The following TNPO3 variants were observed in gnomAD, a reference collection of about 807,000 sequenced individuals.
TNPO3 encodes the protein transportin 3, also known as transportin-3.
A neutral mutation model predicts 122.8 loss-of-function variants in TNPO3; 65 were observed. The ratio of observed to expected loss-of-function variants is 0.53; its 90% CI spans 0.43 to 0.65. The LOEUF is 0.65. TNPO3 is among the 30% of genes least tolerant of loss of function. The pLI, the probability that TNPO3 is intolerant of heterozygous loss-of-function variation, is 0.00. For missense variants in TNPO3, 850 were observed against 1,136.7 expected (o/e 0.75, Z 3.63); for synonymous variants, 372 against 411.2 (o/e 0.90, Z 1.15).
chr7:129,000,380 G>C (rs1362349099), intron 7 of TNPO3, 49 bp downstream of exon 7: 2 of 1,508,438 alleles, frequency 1.3e-6, no homozygotes, highest in Non-Finnish European at 1.8e-6. Context: ...TAGATAATAT[G>C]CAGCACACAA....
Position 129,048,643 on chromosome 7 carries a change from TA to T in TNPO3, c.120+6007del, listed in dbSNP as rs1378499564. On this transcript the variant is annotated intron_variant, in intron 1 of 22. Coordinates refer to ENST00000265388, the MANE Select transcript of TNPO3 (RefSeq NM_012470.4). ...CAACATATACATCTCATAAAGGATT[TA>T]AAAAAAAAAAAGAAAGAAAAAAAAA... 1.6e-3 allele frequency among the ~76,000 whole-genome samples: 219 copies of T among 138,280 alleles called. 1 individual carries two copies. Among genetic ancestry groups the T allele is most frequent in the African/African-American group, 1.3e-3 (50 of 37,660 alleles). 90.7% of individuals were successfully genotyped at this position (138,280 alleles called of 152,430 possible). A position where few individuals can be genotyped will look rare whatever the true frequency, so the allele number is the denominator to read the frequency against.
intron 16 of TNPO3, among the ~76,000 whole-genome samples, chr7:128,978,674 T>C (rs1799322241): frequency 6.6e-6 from 1 of 152,182 alleles, no homozygotes; most frequent in Non-Finnish European, 1.5e-5. Context: ...AATTCTTTTT[T>C]TGAGATGGAG....
intron 4 of TNPO3, among the ~76,000 whole-genome samples, chr7:129,009,157 C>A (rs1277145794): frequency 6.6e-6 from 1 of 152,078 alleles, no homozygotes. Flanking sequence ...GAATTGAGAT[C>A]TTAGATTAAC....
At chr7:129,055,765 C>G, upstream of TNPO3, 1 of 375,482 alleles carries the variant, frequency 2.7e-6, no homozygotes, top group Middle Eastern at 8.0e-4. Context: ...AGTGGTCTAA[C>G]AATTCACAAA....
chr7:128,968,746 T>G (rs533144343), intron 20 of TNPO3, among the ~76,000 whole-genome samples: 3 of 152,304 alleles, frequency 2.0e-5, no homozygotes, highest in Non-Finnish European at 2.9e-5. Flanking sequence ...GGTCTTGCTA[T>G]GCAGCTCAGA....
At chr7:129,052,372 C>T (rs1444121954) in intron 1 of TNPO3, among the ~76,000 whole-genome samples, 3 of 152,232 alleles carry the variant, frequency 2.0e-5, no homozygotes, top group African/African-American at 7.2e-5. Flanking sequence ...TTTCAAGTAA[C>T]TATTCCCTCT....
In TNPO3 at chr7:128,957,157, T is replaced by C. The variant is rs1796980079; in HGVS notation, c.*31+67A>G. The C allele has an allele frequency of 4.4e-6, 6 of 1,367,430 alleles. No individual in the cohort carries two copies. The South Asian group carries it at 5.8e-5, about 13-fold the overall frequency. The allele number at this position is 1,367,430 out of a possible 1,614,324, so 84.7% of individuals were successfully genotyped here. On this transcript the variant is annotated intron_variant, in intron 22 of 22. Coordinates refer to ENST00000265388, the MANE Select transcript of TNPO3 (RefSeq NM_012470.4). Reference sequence around the variant, plus strand: ...GTCCCATGATAGGCATTAAAACCTATCCCCATTCCCAGGCATCCCCAACAG... The same window carrying C: ...GTCCCATGATAGGCATTAAAACCTACCCCCATTCCCAGGCATCCCCAACAG...
At chr7:128,978,936 T>C in intron 16 of TNPO3, 47 bp downstream of exon 16, 2 of 1,605,718 alleles carry the variant, frequency 1.2e-6, no homozygotes, top group South Asian at 1.1e-5. Context: ...CCTGCCTATT[T>C]CAAATTCTGT....
intron 18 of TNPO3, among the ~76,000 whole-genome samples, chr7:128,974,601 C>T (rs755522831): frequency 6.6e-6 from 1 of 152,042 alleles, no homozygotes; most frequent in Non-Finnish European, 1.5e-5. Context: ...ATGATCTAGT[C>T]AAGTGTTTTG....
At chr7:129,033,935 CAGATA>C (rs1048487271) in intron 1 of TNPO3, among the ~76,000 whole-genome samples, 5 of 143,994 alleles carry the variant, frequency 3.5e-5, no homozygotes, top group African/African-American at 5.1e-5. Context: ...AGATCTCAAA[CAGATA>C]AGATATTTGC....
At chr7:128,980,228 T>C (rs894477795) in intron 14 of TNPO3, among the ~76,000 whole-genome samples, 197 bp from the exon 15 acceptor site, 15 of 152,216 alleles carry the variant, frequency 9.9e-5, no homozygotes, top group Non-Finnish European at 1.6e-4. Context: ...TTTAAGTCAC[T>C]TCCAATAGAA....
intron 1 of TNPO3, among the ~76,000 whole-genome samples, chr7:129,035,659 A>G (rs1806557841): frequency 6.6e-6 from 1 of 152,138 alleles, no homozygotes; most frequent in African/African-American, 2.4e-5. Context: ...CTAGAAAGAA[A>G]CAGACAATAC....
chr7:128,990,334 C>T (rs1432781987), intron 10 of TNPO3: 6 of 617,120 alleles, frequency 9.7e-6, no homozygotes, highest in Non-Finnish European at 1.7e-5. Flanking sequence ...CTTCTGAATG[C>T]CAGTAAAGTG....
At chr7:129,028,146 G>C (rs113289782) in intron 1 of TNPO3, among the ~76,000 whole-genome samples, 180 of 152,254 alleles carry the variant, frequency 1.2e-3, no homozygotes, top group Non-Finnish European at 2.2e-3. Context: ...TTCTTGACTT[G>C]GGTGGTGGCT....
At chr7:129,053,330 GA>G (rs780588492) in intron 1 of TNPO3, among the ~76,000 whole-genome samples, 12,818 of 124,674 alleles carry the variant, frequency 0.1, 745 homozygotes, top group South Asian at 0.17. Flanking sequence ...TCTGTCTCAA[GA>G]AAAAAAAAAA....
At chr7:129,035,764 C>T (rs1452441484) in intron 1 of TNPO3, among the ~76,000 whole-genome samples, 1 of 152,084 alleles carries the variant, frequency 6.6e-6, no homozygotes, top group African/African-American at 2.4e-5. Context: ...TTTTATGTGA[C>T]TCCTGATGTG....
At chr7:129,004,866 G>T in intron 5 of TNPO3, 150 bp downstream of exon 5, 1 of 671,588 alleles carries the variant, frequency 1.5e-6, no homozygotes, top group Non-Finnish European at 2.4e-6. Context: ...TTCTAATTTG[G>T]TACCTCGTAG....
intron 8 of TNPO3, among the ~76,000 whole-genome samples, chr7:128,994,293 G>A (rs2150359755): frequency 6.6e-6 from 1 of 152,156 alleles, no homozygotes; most frequent in Admixed American, 6.5e-5. Context: ...AGGTAACTGG[G>A]ATTACAGACA....
intron 1 of TNPO3, among the ~76,000 whole-genome samples, chr7:129,053,585 T>C (rs1312588020): frequency 6.6e-6 from 1 of 151,782 alleles, no homozygotes; most frequent in Non-Finnish European, 1.5e-5. Context: ...TATTATGCAC[T>C]TGCAGCCTAG....
Sources: gnomAD v4.1 joint callset for allele counts (sites outside exome capture counted in the v4.1 genomes callset) on GRCh38, gnomAD v4.1.1 for gene constraint, MANE v1.5 for transcripts, NCBI Gene and HGNC (gene_info 2026-07-23, HGNC 2026-07-21) for gene names.